SH2D4A: variants seen among roughly 807,000 people sequenced by gnomAD.
SH2D4A encodes the protein SH2 domain containing 4A.
SH2D4A carries 70 observed loss-of-function variants against 64.7 expected under a neutral mutation model. The observed-to-expected ratio is 1.08, with a 90% CI of 0.89 to 1.32. The LOEUF (loss-of-function observed/expected upper bound fraction) is 1.32, where lower values mean the gene tolerates loss of function less well. SH2D4A is among the 40% of genes most tolerant of loss of function. The probability of loss-of-function intolerance (pLI) is 0.00; values close to 1 mark genes in which losing one functional copy is unlikely to be tolerated. For synonymous variants in SH2D4A, 268 were observed against 200.7 expected, an observed-to-expected ratio of 1.34 and a Z score of -2.83; for missense variants, 706 against 540.1, an observed-to-expected ratio of 1.31 and a Z score of -3.04.
chr8:19,354,216 G>T (rs1563198274), intron 4 of SH2D4A, among the ~76,000 whole-genome samples: 1 of 151,912 alleles, frequency 6.6e-6, no homozygotes, highest in African/African-American at 2.4e-5. Context: ...GGCCAGACGG[G>T]TCTCGAACTC....
chr8:19,374,723 G>C (rs1306265956), intron 8 of SH2D4A, among the ~76,000 whole-genome samples: 1 of 152,108 alleles, frequency 6.6e-6, no homozygotes, highest in African/African-American at 2.4e-5. Context: ...CATCTCAGAG[G>C]AGTCCCCTCT....
intron 2 of SH2D4A, among the ~76,000 whole-genome samples, chr8:19,327,794 C>T (rs1395611828): frequency 1.3e-5 from 2 of 152,178 alleles, no homozygotes; most frequent in African/African-American, 4.8e-5. Context: ...CCTCCTTTTC[C>T]TCTTCACAAT....
intron 8 of SH2D4A, among the ~76,000 whole-genome samples, chr8:19,383,636 T>G (rs2053336754): frequency 6.6e-6 from 1 of 151,852 alleles, no homozygotes; most frequent in Non-Finnish European, 1.5e-5. Flanking sequence ...GGTTTACTAT[T>G]TTTTTTTGTT....
At chr8:19,317,303 A>ATTTTTTTTTTTTTTTTTTTTTTT (rs761621347) in intron 1 of SH2D4A, among the ~76,000 whole-genome samples, 1 of 97,384 alleles carries the variant, frequency 1.0e-5, no homozygotes, top group African/African-American at 4.0e-5. Flanking sequence ...CAAGACATCC[A>ATTTTTTTTTTTTTTTTTTTTTTT]TTTTTTTTTT....
At chr8:19,314,144 G>T (rs1385483213) in intron 1 of SH2D4A, 2 of 1,081,316 alleles carry the variant, frequency 1.8e-6, no homozygotes, top group African/African-American at 1.6e-5. Context: ...GAGGGAGAGG[G>T]TCTGCCGGGG....
chr8:19,371,412 G>A (rs1400361362), intron 7 of SH2D4A, among the ~76,000 whole-genome samples: 1 of 151,788 alleles, frequency 6.6e-6, no homozygotes, highest in Non-Finnish European at 1.5e-5. Flanking sequence ...GGCCTATACG[G>A]TTTCTTCTGA....
At chr8:19,332,307 T>A (rs2052374460) in intron 2 of SH2D4A, among the ~76,000 whole-genome samples, 1 of 152,096 alleles carries the variant, frequency 6.6e-6, no homozygotes, top group South Asian at 2.1e-4. Context: ...AAACAATGAA[T>A]GCTTGCTTCC....
At chr8:19,376,885 C>G (rs1417225799) in intron 8 of SH2D4A, among the ~76,000 whole-genome samples, 1 of 152,132 alleles carries the variant, frequency 6.6e-6, no homozygotes, top group Admixed American at 6.6e-5. Flanking sequence ...CAGAAATCCT[C>G]AAAACCACAG....
At chr8:19,388,682 G>A (rs1324161824) in intron 8 of SH2D4A, among the ~76,000 whole-genome samples, 1 of 152,186 alleles carries the variant, frequency 6.6e-6, no homozygotes, top group Non-Finnish European at 1.5e-5. Flanking sequence ...GCACTTCAAA[G>A]AAAAATGAAA....
At chr8:19,316,474 CTAAG>C (rs1315237311) in intron 1 of SH2D4A, among the ~76,000 whole-genome samples, 1 of 152,108 alleles carries the variant, frequency 6.6e-6, no homozygotes, top group Non-Finnish European at 1.5e-5. Flanking sequence ...GGAAATGGGA[CTAAG>C]TGTCTGGTGA....
At chr8:19,354,239 G>T (rs1417554977) in intron 4 of SH2D4A, among the ~76,000 whole-genome samples, 1 of 152,124 alleles carries the variant, frequency 6.6e-6, no homozygotes, top group Admixed American at 6.6e-5. Flanking sequence ...GACCTCAGGT[G>T]ATCCACCCAA....
chr8:19,389,326 A>AG (rs2053445824), intron 8 of SH2D4A, among the ~76,000 whole-genome samples: 18 of 152,188 alleles, frequency 1.2e-4, no homozygotes, highest in Admixed American at 1.2e-3. Flanking sequence ...TGTTTATTCT[A>AG]GAGAGGTTTA....
At chr8:19,354,356 T>C (rs2052756876) in intron 4 of SH2D4A, among the ~76,000 whole-genome samples, 1 of 152,292 alleles carries the variant, frequency 6.6e-6, no homozygotes. Context: ...AGTTTTGGTA[T>C]ACTAAAGACA....
In SH2D4A at chr8:19,364,232, A is replaced by G. The variant is rs935824504; in HGVS notation, c.867A>G (p.Pro289=). The change falls in exon 7 of 10, where the codon CCA becomes CCG. Residue 289 remains proline, a synonymous_variant. Coordinates refer to ENST00000265807, the MANE Select transcript of SH2D4A (RefSeq NM_022071.4). ...AGAAACCAGAAAGACCTCCCCTTCC[A>G]CCCAAGCCTCAGTTCCTAAACTCAG... ...VPQKPERPPL[P]PKPQFLNSGA... The G allele has an allele frequency of 1.2e-6, 2 of 1,614,132 alleles. No individual in the cohort carries two copies. The highest frequency in any genetic ancestry group is 1.3e-5 in the African/African-American group (1 of 75,044).
At chr8:19,327,902 C>T (rs949218596) in intron 2 of SH2D4A, among the ~76,000 whole-genome samples, 6 of 152,210 alleles carry the variant, frequency 3.9e-5, no homozygotes, top group Admixed American at 6.5e-5. Flanking sequence ...GAATGAGTCT[C>T]TCTGAAGTCC....
chr8:19,313,758 G>C lies in SH2D4A; in HGVS notation c.-270G>C, dbSNP rs1177908189. 5 of 1,508,994 alleles carry C rather than the reference G, an allele frequency of 3.3e-6. 1 individual carries two copies. The South Asian group carries it at 6.1e-5, about 18-fold the overall frequency. 93.5% of individuals were successfully genotyped at this position (1,508,994 alleles called of 1,614,324 possible). On this transcript the variant is annotated 5_prime_UTR_variant, in exon 1 of 10. Coordinates refer to ENST00000265807, the MANE Select transcript of SH2D4A (RefSeq NM_022071.4). Reference sequence around the variant, plus strand: ...CCTTTCCCTCCCTCCCTTCCCCGACGGCTTCTGGCGGCCAAGTGGATGTGG... The same window carrying C: ...CCTTTCCCTCCCTCCCTTCCCCGACCGCTTCTGGCGGCCAAGTGGATGTGG...
intron 4 of SH2D4A, among the ~76,000 whole-genome samples, chr8:19,356,701 G>A (rs1033247162): frequency 1.3e-5 from 2 of 152,176 alleles, no homozygotes; most frequent in Admixed American, 6.5e-5. Flanking sequence ...GGGTGACAAG[G>A]GCAGGAAAAG....
chr8:19,376,514 C>T (rs557227984), intron 8 of SH2D4A, among the ~76,000 whole-genome samples: 43 of 152,144 alleles, frequency 2.8e-4, no homozygotes, highest in African/African-American at 4.8e-4. Context: ...TCTAGCTACT[C>T]GGGAGGCTGA....
Position 19,348,296 on chromosome 8 carries a change from CA to C in SH2D4A, c.514-8906del, listed in dbSNP as rs2052644211. Among the ~76,000 whole-genome samples, 4 of 152,076 alleles carry C rather than the reference CA, an allele frequency of 2.6e-5. No homozygotes were observed. The South Asian group carries it at 8.3e-4, about 32-fold the overall frequency. On this transcript the variant is annotated intron_variant, in intron 4 of 9. Transcript: ENST00000265807. Reference sequence around the variant, plus strand: ...TTCCTTGTAGAGACAGGGGTCTCACCATGTTGCCCAGGCTGCTCTTGAACTT... The same window carrying C: ...TTCCTTGTAGAGACAGGGGTCTCACCTGTTGCCCAGGCTGCTCTTGAACTT...
Sources: allele counts gnomAD v4.1 joint callset (sites outside exome capture counted in the v4.1 genomes callset), GRCh38; gene constraint gnomAD v4.1.1; transcripts MANE v1.5; gene names NCBI Gene and HGNC (gene_info 2026-07-23, HGNC 2026-07-21).